RBM46: variants seen among roughly 807,000 people sequenced by gnomAD.
RBM46 encodes RNA binding motif protein 46.
In RBM46, 12 loss-of-function variants were observed where a neutral mutation model predicts 43.3. The observed-to-expected ratio is 0.28, with a 90% CI of 0.18 to 0.45. RBM46 has a LOEUF of 0.45. Among genes scored for constraint, RBM46 ranks in the 20% least tolerant of loss-of-function variants. The pLI is 1.00. For missense variants in RBM46, 412 were observed against 639.1 expected, an observed-to-expected ratio of 0.64 and a Z score of 3.83; for synonymous variants, 205 against 207.6, an observed-to-expected ratio of 0.99 and a Z score of 0.11.
intron 1 of RBM46, 78 bp from the exon 2 acceptor site, chr4:154,796,664 C>A: frequency 1.0e-6 from 1 of 999,710 alleles, no homozygotes; most frequent in Non-Finnish European, 1.4e-6. Flanking sequence ...CTTTGTTTTT[C>A]TGCAACCCAA....
chr4:154,792,852 A>G (rs1471788700), intron 1 of RBM46, among the ~76,000 whole-genome samples: 6 of 152,144 alleles, frequency 3.9e-5, no homozygotes, highest in Non-Finnish European at 7.3e-5. Flanking sequence ...GAGATGATGA[A>G]GAGATCCTTA....
intron 4 of RBM46, among the ~76,000 whole-genome samples, chr4:154,807,357 C>A (rs905632283): frequency 4.0e-5 from 6 of 150,886 alleles, no homozygotes; most frequent in African/African-American, 7.3e-5. Flanking sequence ...TTTTTAGAAT[C>A]AGAAAAATCT....
intron 1 of RBM46, among the ~76,000 whole-genome samples, chr4:154,784,142 G>A (rs761930553): frequency 1.3e-5 from 2 of 152,130 alleles, no homozygotes; most frequent in Non-Finnish European, 2.9e-5. Context: ...ATAAAGGCAC[G>A]CTTTGATATT....
At chr4:154,816,819 G>T (rs1443233648) in intron 4 of RBM46, among the ~76,000 whole-genome samples, 1 of 151,958 alleles carries the variant, frequency 6.6e-6, no homozygotes, top group African/African-American at 2.4e-5. Flanking sequence ...TTTTATTATA[G>T]AAGTCGTTTA....
chr4:154,826,913 C>T (rs1735993922), intron 4 of RBM46: 2 of 1,366,756 alleles, frequency 1.5e-6, no homozygotes, highest in Admixed American at 3.4e-5. Flanking sequence ...TAGAAAAAAA[C>T]CTTACCTGTA....
At chr4:154,808,545 A>G (rs1216042647) in intron 4 of RBM46, among the ~76,000 whole-genome samples, 1 of 152,092 alleles carries the variant, frequency 6.6e-6, no homozygotes, top group African/African-American at 2.4e-5. Flanking sequence ...AATTTGCAGC[A>G]TATGTGCCAT....
chr4:154,788,693 T>C (rs1733915822), intron 1 of RBM46, among the ~76,000 whole-genome samples: 1 of 152,200 alleles, frequency 6.6e-6, no homozygotes, highest in African/African-American at 2.4e-5. Flanking sequence ...ATATGAACTT[T>C]AAAGTAGTTT....
rs185079518 is a variant in RBM46 at position 154,806,857 on chromosome 4, T to C, written c.1402+7293T>C. ...AACAGAGGATCTAGGAAAATAATGA[T>C]GTGTATCAAAACATGCCATGTGGGG... On this transcript the variant is annotated intron_variant, in intron 4 of 4. Transcript: ENST00000281722. 5.5e-4 allele frequency among the ~76,000 whole-genome samples: 84 copies of C among 151,984 alleles called. 1 individual carries two copies. The highest frequency in any genetic ancestry group is 5.5e-3 in the Admixed American group (84 of 15,270).
chr4:154,820,617 T>G (rs949974923), intron 4 of RBM46, among the ~76,000 whole-genome samples: 3 of 151,936 alleles, frequency 2.0e-5, no homozygotes, highest in Non-Finnish European at 1.5e-5. Context: ...TTTTCAGGTC[T>G]TCTCAAAACA....
At chr4:154,817,910 C>T (rs1289203903) in intron 4 of RBM46, among the ~76,000 whole-genome samples, 1 of 151,760 alleles carries the variant, frequency 6.6e-6, no homozygotes, top group African/African-American at 2.4e-5. Flanking sequence ...TCTCTTAGTC[C>T]TTACTCTATA....
intron 4 of RBM46, among the ~76,000 whole-genome samples, chr4:154,808,544 C>A (rs1735024996): frequency 6.6e-6 from 1 of 151,984 alleles, no homozygotes; most frequent in African/African-American, 2.4e-5. Context: ...AAATTTGCAG[C>A]ATATGTGCCA....
At chr4:154,825,062 A>G (rs893432100) in intron 4 of RBM46, among the ~76,000 whole-genome samples, 3 of 152,230 alleles carry the variant, frequency 2.0e-5, no homozygotes, top group East Asian at 3.9e-4. Context: ...AGGCAGTTGA[A>G]TAACACTTAG....
At chr4:154,822,700 A>T (rs566937564) in intron 4 of RBM46, among the ~76,000 whole-genome samples, 63 of 151,812 alleles carry the variant, frequency 4.1e-4, no homozygotes, top group South Asian at 3.9e-3. Context: ...GATTTTTTTT[A>T]AAAAAATTTC....
rs541398837 is a variant in RBM46, at chr4:154,820,510, TGAAAA to T, written c.1403-7354_1403-7350del. The T allele has an allele frequency of 2.7e-4, 179 of 667,284 alleles. 1 individual carries two copies. The highest frequency in any genetic ancestry group is 2.6e-3 in the African/African-American group (141 of 53,438). 41.3% of individuals were successfully genotyped at this position (667,284 alleles called of 1,614,324 possible). On this transcript the variant is annotated intron_variant, in intron 4 of 4. Coordinates refer to ENST00000281722, the MANE Select transcript of RBM46 (RefSeq NM_144979.5). ...ACCAGTTTCAAATTGTTCTTTATAA[TGAAAA>T]GAATGAAACTTTATGAAGTATTTTT...
At chr4:154,820,003 C>A (rs903864210) in intron 4 of RBM46, among the ~76,000 whole-genome samples, 2 of 151,932 alleles carry the variant, frequency 1.3e-5, no homozygotes, top group African/African-American at 2.4e-5. Context: ...TACTTAGATT[C>A]TTTGGCTTTC....
Position 154,798,888 on chromosome 4 carries a change from T to C in RBM46, c.726T>C (p.Asn242=), listed in dbSNP as rs560437721. The C allele has an allele frequency of 3.7e-6, 6 of 1,611,718 alleles. No individual in the cohort carries two copies. Among genetic ancestry groups the C allele is most frequent in the Non-Finnish European group, 5.1e-6 (6 of 1,178,906 alleles). ...GAGTTAAAGTTCTTTATGTAAGAAA[T>C]TTAATGATCTCAACTACAGAGGAAA... is the stretch of plus-strand genomic sequence containing the variant. The part of the protein sequence containing the change: ...MQRVKVLYVR[N]LMISTTEETI... Residue 242 remains asparagine (N), a synonymous_variant, in exon 4 of 5, where the codon AAT becomes AAC. Coordinates refer to ENST00000281722, the MANE Select transcript of RBM46 (RefSeq NM_144979.5).
chr4:154,803,627 C>CGG (rs1294347502), intron 4 of RBM46, among the ~76,000 whole-genome samples: 1 of 129,522 alleles, frequency 7.7e-6, no homozygotes, highest in Admixed American at 9.8e-5. Flanking sequence ...GGCGTGAACC[C>CGG]GGGGGGCGGA....
chr4:154,783,093 G>A (rs764126245), intron 1 of RBM46, among the ~76,000 whole-genome samples: 8 of 152,094 alleles, frequency 5.3e-5, no homozygotes, highest in Non-Finnish European at 1.2e-4. Flanking sequence ...GTTTGCATCT[G>A]TCTGCATTTG....
chr4:154,816,626 CTT>C (rs1735456765), intron 4 of RBM46, among the ~76,000 whole-genome samples: 1 of 152,118 alleles, frequency 6.6e-6, no homozygotes, highest in South Asian at 2.1e-4. Context: ...TCTGCATACA[CTT>C]TTATCAACTA....
Sources: allele counts gnomAD v4.1 joint callset (sites outside exome capture counted in the v4.1 genomes callset), GRCh38; gene constraint gnomAD v4.1.1; transcripts MANE v1.5; gene names NCBI Gene and HGNC (gene_info 2026-07-23, HGNC 2026-07-21).